The following NEGR1 variants were observed in gnomAD, a reference collection of about 807,000 sequenced individuals.
The protein encoded by NEGR1 is neuronal growth regulator 1, also known as IgLON family member 4.
NEGR1 carries 10 observed loss-of-function variants against 40.9 expected under a neutral mutation model. The observed-to-expected ratio is 0.24, with a 90% CI of 0.15 to 0.42. NEGR1 has a LOEUF of 0.42. Among genes scored for constraint, NEGR1 ranks in the 10% least tolerant of loss-of-function variants. The probability of loss-of-function intolerance (pLI) is 1.00; values close to 1 mark genes in which losing one functional copy is unlikely to be tolerated. For missense variants in NEGR1, 352 were observed against 438.9 expected (o/e 0.80, Z 1.77); for synonymous variants, 185 against 166.8 (o/e 1.11, Z -0.84).
Position 71,403,345 on chromosome 1 carries a change from CT to C in NEGR1, c.*4100del, listed in dbSNP as rs1646257948. 6.6e-6 allele frequency: 1 copy of C among 152,032 alleles called. No individual in the cohort carries two copies. Among genetic ancestry groups the C allele is most frequent in the Admixed American group, 6.6e-5 (1 of 15,240 alleles). 9.4% of individuals were successfully genotyped at this position (152,032 alleles called of 1,614,324 possible). A position where few individuals can be genotyped will look rare whatever the true frequency, so the allele number is the denominator to read the frequency against. On this transcript the variant is annotated 3_prime_UTR_variant, in exon 7 of 7. Coordinates refer to ENST00000357731, the MANE Select transcript of NEGR1 (RefSeq NM_173808.3). ...TTAAGAAATTACACTCTGCCTGGCT[CT>C]TACAAGCGTTTGAGTTTTCAGTTGT...
chr1:71,976,633 AG>A (rs796899863), intron 1 of NEGR1, among the ~76,000 whole-genome samples: 25 of 152,302 alleles, frequency 1.6e-4, no homozygotes, highest in African/African-American at 6.0e-4. Flanking sequence ...TTTTTAAAAA[AG>A]TTACTTTAAA....
At chr1:71,786,531 G>C (rs1030955057) in intron 2 of NEGR1, among the ~76,000 whole-genome samples, 12 of 152,152 alleles carry the variant, frequency 7.9e-5, no homozygotes, top group Admixed American at 2.0e-4. Context: ...CCCACAGCAA[G>C]GGTTAGTATT....
intron 6 of NEGR1, among the ~76,000 whole-genome samples, chr1:71,504,316 G>C (rs1647018296): frequency 6.6e-6 from 1 of 151,748 alleles, no homozygotes; most frequent in Non-Finnish European, 1.5e-5. Context: ...AGGAAGAAAA[G>C]CAGAAACAAA....
chr1:71,795,091 T>C (rs1657272908), intron 2 of NEGR1, among the ~76,000 whole-genome samples: 1 of 151,998 alleles, frequency 6.6e-6, no homozygotes, highest in Non-Finnish European at 1.5e-5. Flanking sequence ...TAATACCAAG[T>C]TGATGAGAAA....
chr1:71,601,823 G>A (rs2101532467), intron 5 of NEGR1, among the ~76,000 whole-genome samples: 1 of 152,226 alleles, frequency 6.6e-6, no homozygotes, highest in Non-Finnish European at 1.5e-5. Context: ...GCTGGGAGAG[G>A]AGTGAGGGAT....
rs1020016998 is a variant in NEGR1, at chr1:71,548,538, G to A, written c.940+44279C>T. ...CTGGATTTGACTTCAGCTTCTTGTC[G>A]CTGTTTCAAAGACATCTTACATTCT... is the stretch of plus-strand genomic sequence containing the variant. On this transcript the variant is annotated intron_variant, in intron 6 of 6. Transcript: ENST00000357731. Among the ~76,000 whole-genome samples, 4 of 151,772 alleles carry A rather than the reference G, an allele frequency of 2.6e-5. No individual in the cohort carries two copies. The East Asian group carries it at 5.9e-4, about 22-fold the overall frequency.
chr1:71,990,376 T>A (rs1472770855), intron 1 of NEGR1, among the ~76,000 whole-genome samples: 2 of 152,182 alleles, frequency 1.3e-5, no homozygotes, highest in African/African-American at 4.8e-5. Context: ...ACATTATTTT[T>A]ATTCAAAGAC....
intron 6 of NEGR1, among the ~76,000 whole-genome samples, chr1:71,455,082 G>C (rs1169098234): frequency 2.0e-5 from 3 of 152,126 alleles, no homozygotes; most frequent in Admixed American, 6.5e-5. Context: ...ATGATTCATT[G>C]AGTCCAATTA....
chr1:71,685,146 C>T (rs1393238444), intron 4 of NEGR1, among the ~76,000 whole-genome samples: 1 of 151,838 alleles, frequency 6.6e-6, no homozygotes, highest in Admixed American at 6.6e-5. Context: ...ATTTACTTTT[C>T]GCTTTTTGTG....
intron 1 of NEGR1, among the ~76,000 whole-genome samples, chr1:71,952,494 T>C (rs890513591): frequency 2.6e-5 from 4 of 151,974 alleles, no homozygotes; most frequent in African/African-American, 9.7e-5. Context: ...TGGAACAGCT[T>C]GGTTCATTAG....
intron 4 of NEGR1, among the ~76,000 whole-genome samples, chr1:71,624,757 G>A (rs1284936955): frequency 6.6e-6 from 1 of 151,816 alleles, no homozygotes; most frequent in African/African-American, 2.4e-5. Flanking sequence ...TATTAAGGAG[G>A]TGCTCCCTGA....
chr1:72,150,924 G>C (rs888121152), intron 1 of NEGR1, among the ~76,000 whole-genome samples: 1 of 151,808 alleles, frequency 6.6e-6, no homozygotes, highest in Admixed American at 6.6e-5. Context: ...CCTTTTGCTT[G>C]CTTGTTTTAG....
intron 4 of NEGR1, among the ~76,000 whole-genome samples, chr1:71,639,256 CCAATCA>C (rs1191112873): frequency 6.6e-6 from 1 of 150,974 alleles, no homozygotes; most frequent in East Asian, 2.0e-4. Context: ...ATGCCCATGC[CCAATCA>C]CAGGCTTTGT....
At chr1:71,711,002 T>C (rs1020486927) in intron 3 of NEGR1, among the ~76,000 whole-genome samples, 1 of 151,888 alleles carries the variant, frequency 6.6e-6, no homozygotes, top group African/African-American at 2.4e-5. Flanking sequence ...ACCCCATAAA[T>C]ATATATACCT....
Position 72,060,228 on chromosome 1 carries a change from A to G in NEGR1, c.177-124917T>C, listed in dbSNP as rs151145215. Among the ~76,000 whole-genome samples, 203 of 151,770 alleles carry G rather than the reference A, an allele frequency of 1.3e-3. 1 individual carries two copies. The highest frequency in any genetic ancestry group is 4.7e-3 in the African/African-American group (196 of 41,504). Reference sequence around the variant, plus strand: ...ATCTTGATTTTTTTCCCTCACACACAGACAGTTAAATATGCTGAGATACAC... The same window carrying G: ...ATCTTGATTTTTTTCCCTCACACACGGACAGTTAAATATGCTGAGATACAC... On this transcript the variant is annotated intron_variant, in intron 1 of 6. Transcript: ENST00000357731.
chr1:72,242,488 T>C (rs1654777885), intron 1 of NEGR1, among the ~76,000 whole-genome samples: 1 of 151,692 alleles, frequency 6.6e-6, no homozygotes, highest in African/African-American at 2.4e-5. Context: ...TAAATATCTC[T>C]TGACTGATTT....
rs1264923674 is a variant in NEGR1, at chr1:71,978,396, T to A, written c.177-43085A>T. 2.0e-5 allele frequency among the ~76,000 whole-genome samples: 3 copies of A among 152,182 alleles called. No individual in the cohort carries two copies. The East Asian group carries it at 5.8e-4, about 29-fold the overall frequency. ...TTTATTTCTTATATTTATTTAATTC[T>A]GAGGTTCCAATGTATTCATGTTTTC... On this transcript the variant is annotated intron_variant, in intron 1 of 6. Transcript: ENST00000357731.
intron 6 of NEGR1, among the ~76,000 whole-genome samples, chr1:71,541,835 T>G (rs1647714457): frequency 6.6e-6 from 1 of 151,768 alleles, no homozygotes; most frequent in African/African-American, 2.4e-5. Flanking sequence ...AGCAAAGCCA[T>G]GAAGGGTGAC....
intron 6 of NEGR1, among the ~76,000 whole-genome samples, chr1:71,496,269 A>G (rs1646962482): frequency 6.6e-6 from 1 of 152,158 alleles, no homozygotes; most frequent in Admixed American, 6.6e-5. Flanking sequence ...AGGAAATAAG[A>G]AACCAGAAGG....
Sources: allele counts gnomAD v4.1 joint callset (sites outside exome capture counted in the v4.1 genomes callset), GRCh38; gene constraint gnomAD v4.1.1; transcripts MANE v1.5; gene names NCBI Gene and HGNC (gene_info 2026-07-23, HGNC 2026-07-21).